The following ENOX2 variants were observed in gnomAD, a reference collection of about 807,000 sequenced individuals.
The protein encoded by ENOX2 is ecto-NOX disulfide-thiol exchanger 2.
A neutral mutation model predicts 45.0 loss-of-function variants in ENOX2; 36 were observed. That is an observed-to-expected ratio of 0.80 (90% CI 0.61 to 1.06). ENOX2 has a LOEUF of 1.06. ENOX2 is among the 50% of genes least tolerant of loss of function. ENOX2 has a pLI of 0.00. For missense variants in ENOX2, 423 were observed against 462.5 expected, an observed-to-expected ratio of 0.91 and a Z score of 0.78; for synonymous variants, 174 against 152.3, an observed-to-expected ratio of 1.14 and a Z score of -1.05.
intron 10 of ENOX2, among the ~76,000 whole-genome samples, chrX:130,656,297 A>G (rs746554506): frequency 3.6e-5 from 4 of 112,617 alleles, no homozygotes; most frequent in Non-Finnish European, 7.5e-5. Context: ...GGTTCTGACT[A>G]TACTAGGTTA....
At chrX:130,833,024 C>A (rs1395250749) in intron 2 of ENOX2, among the ~76,000 whole-genome samples, 1 of 108,243 alleles carries the variant, frequency 9.2e-6, no homozygotes, top group African/African-American at 3.4e-5. Flanking sequence ...CACACACACA[C>A]ACACACACAC....
At chrX:130,768,005 G>A (rs1025961812) in intron 3 of ENOX2, among the ~76,000 whole-genome samples, 2 of 111,710 alleles carry the variant, frequency 1.8e-5, no homozygotes, top group Admixed American at 1.9e-4. Flanking sequence ...CTGGGCTCAA[G>A]GGAGACAGGG....
chrX:130,659,534 T>C (rs2036631818), intron 9 of ENOX2, among the ~76,000 whole-genome samples: 1 of 112,558 alleles, frequency 8.9e-6, no homozygotes, highest in Non-Finnish European at 1.9e-5. Context: ...GAATTTCTCA[T>C]TTCTGAGAAT....
intron 2 of ENOX2, among the ~76,000 whole-genome samples, chrX:130,809,245 A>T (rs752178102): frequency 1.8e-5 from 2 of 112,395 alleles, no homozygotes; most frequent in East Asian, 5.6e-4. Context: ...ACAGAGGAGG[A>T]GTTGATTTAT....
At chrX:130,731,415 G>A (rs1387589760) in intron 3 of ENOX2, among the ~76,000 whole-genome samples, 1 of 111,564 alleles carries the variant, frequency 9.0e-6, no homozygotes, top group African/African-American at 3.3e-5. Context: ...CAAAAGATGG[G>A]AGCCATACAA....
intron 9 of ENOX2, among the ~76,000 whole-genome samples, chrX:130,658,425 T>C (rs2036600969): frequency 9.0e-6 from 1 of 111,703 alleles, no homozygotes; most frequent in Non-Finnish European, 1.9e-5. Flanking sequence ...TACATGTAAA[T>C]AAAATTGCAG....
chrX:130,805,905 C>A (rs2148438971), intron 2 of ENOX2, among the ~76,000 whole-genome samples: 1 of 111,794 alleles, frequency 8.9e-6, no homozygotes, highest in Non-Finnish European at 1.9e-5. Context: ...TATTTATTCC[C>A]AAGGCTTTAC....
intron 2 of ENOX2, among the ~76,000 whole-genome samples, chrX:130,888,320 C>T (rs751836869): frequency 4.5e-5 from 5 of 111,794 alleles, no homozygotes; most frequent in Admixed American, 9.5e-5. Context: ...AAATTAATCA[C>T]GAGTAGGAAC....
chrX:130,744,132 T>C (rs2039046275), intron 3 of ENOX2, among the ~76,000 whole-genome samples: 1 of 112,098 alleles, frequency 8.9e-6, no homozygotes, highest in Non-Finnish European at 1.9e-5. Flanking sequence ...GCAGGGATCT[T>C]AATGTCACAT....
At chrX:130,834,290 G>C (rs2077889027) in intron 2 of ENOX2, among the ~76,000 whole-genome samples, 1 of 111,284 alleles carries the variant, frequency 9.0e-6, no homozygotes, top group Admixed American at 9.6e-5. Flanking sequence ...CTAATGAATG[G>C]CACTCTCCTT....
At chrX:130,890,150 GA>G (rs1207324331) in intron 2 of ENOX2, among the ~76,000 whole-genome samples, 1 of 111,654 alleles carries the variant, frequency 9.0e-6, no homozygotes, top group Non-Finnish European at 1.9e-5. Flanking sequence ...CAGGAAAGAT[GA>G]TTTTTTTTTT....
At chrX:130,698,012 T>C (rs1253384699) in intron 4 of ENOX2, among the ~76,000 whole-genome samples, 1 of 111,514 alleles carries the variant, frequency 9.0e-6, no homozygotes, top group African/African-American at 3.3e-5. Context: ...CCTTGGGAGA[T>C]AGGACCTCGT....
intron 3 of ENOX2, among the ~76,000 whole-genome samples, chrX:130,760,377 C>G (rs1327868428): frequency 2.7e-5 from 3 of 111,564 alleles, no homozygotes; most frequent in African/African-American, 9.8e-5. Context: ...CTAAAACTAA[C>G]AACATTATGT....
At chrX:130,819,328 G>A (rs1018338082) in intron 2 of ENOX2, among the ~76,000 whole-genome samples, 1 of 111,571 alleles carries the variant, frequency 9.0e-6, no homozygotes, top group Non-Finnish European at 1.9e-5. Flanking sequence ...AATTCCTCGA[G>A]GACCCAGGAC....
chrX:130,890,967 C>T (rs1477566832), intron 2 of ENOX2, among the ~76,000 whole-genome samples: 1 of 112,466 alleles, frequency 8.9e-6, no homozygotes, highest in Admixed American at 9.4e-5. Context: ...CAGATAAAGT[C>T]ACAATTTAGC....
chrX:130,831,368 T>C (rs2077824586), intron 2 of ENOX2, among the ~76,000 whole-genome samples: 1 of 111,851 alleles, frequency 8.9e-6, no homozygotes, highest in African/African-American at 3.2e-5. Context: ...TCATTATCAC[T>C]CCTGTGCTTA....
intron 2 of ENOX2, among the ~76,000 whole-genome samples, chrX:130,873,104 C>T (rs1321162822): frequency 9.0e-6 from 1 of 111,590 alleles, no homozygotes; most frequent in Admixed American, 9.5e-5. Flanking sequence ...TCAGAGTGAA[C>T]AAGCAACCTA....
intron 6 of ENOX2, among the ~76,000 whole-genome samples, chrX:130,674,743 T>C (rs1311494798): frequency 3.8e-5 from 4 of 104,801 alleles, no homozygotes; most frequent in African/African-American, 1.4e-4. Context: ...GCATTAGGTA[T>C]ATCTCCTAAT....
rs1377967174 is a variant in ENOX2, at chrX:130,631,520, C to G, written c.1476G>C (p.Glu492Asp). 1 of 1,206,902 alleles carries G rather than the reference C, an allele frequency of 8.3e-7. No homozygotes were observed. The highest frequency in any genetic ancestry group is 3.0e-5 in the East Asian group (1 of 33,818). ...TGATAGGACTGCTGTTCATGGTCTT[C>G]TCAAGAGGGTATTCGCTATCCTGGT... ...ASNQDSEYPL[E>D]KTMNSSPIKS... Residue 492 changes from glutamate to aspartate, a missense_variant, in exon 13 of 15, where the codon GAG becomes GAC. By Grantham distance (45) the Glu-to-Asp change is conservative (BLOSUM62 2). Around this residue, in one of 5 missense-constraint regions of ENOX2, gnomAD observed 108 missense variants for 70.6 expected, o/e 1.53. Coordinates refer to ENST00000394363, the MANE Select transcript of ENOX2 (RefSeq NM_006375.4).
Sources: allele counts gnomAD v4.1 joint callset (sites outside exome capture counted in the v4.1 genomes callset), GRCh38; gene constraint gnomAD v4.1.1; regional missense constraint gnomAD v4.1.1; transcripts MANE v1.5; gene names NCBI Gene and HGNC (gene_info 2026-07-23, HGNC 2026-07-21).